STOX2: variants seen among roughly 807,000 people sequenced by gnomAD.
STOX2 encodes the protein storkhead-box protein 2.
Under a neutral mutation model 60.9 loss-of-function variants are expected in STOX2, and 28 were observed. The ratio of observed to expected loss-of-function variants is 0.46; its 90% CI spans 0.34 to 0.63. The LOEUF is 0.63. STOX2 is among the 30% of genes least tolerant of loss of function. STOX2 has a pLI of 0.01. For synonymous variants in STOX2, 472 were observed against 463.9 expected, an observed-to-expected ratio of 1.02 and a Z score of -0.22; for missense variants, 1,024 against 1,187.7, an observed-to-expected ratio of 0.86 and a Z score of 2.03.
At chr4:183,819,195 G>C (rs1387231776) in intron 1 of STOX2, among the ~76,000 whole-genome samples, 1 of 152,134 alleles carries the variant, frequency 6.6e-6, no homozygotes, top group African/African-American at 2.4e-5. Flanking sequence ...AAGGCAGGGG[G>C]CTGGGAGGTG....
At chr4:183,804,068 A>G (rs1579284041) in intron 1 of STOX2, among the ~76,000 whole-genome samples, 1 of 152,350 alleles carries the variant, frequency 6.6e-6, no homozygotes, top group Non-Finnish European at 1.5e-5. Flanking sequence ...GGGAGAAATG[A>G]CAGAATAGCT....
chr4:183,846,749 A>G (rs942762247), intron 1 of STOX2, among the ~76,000 whole-genome samples: 44 of 152,256 alleles, frequency 2.9e-4, no homozygotes, highest in African/African-American at 1.0e-3. Context: ...TAGTAAGTTC[A>G]ATAGCTTCCT....
rs1318751191 is a variant in STOX2, at chr4:183,975,536, C to T, written c.167-25789C>T. On this transcript the variant is annotated intron_variant, in intron 1 of 3. Coordinates refer to ENST00000308497, the MANE Select transcript of STOX2 (RefSeq NM_020225.3). ...CAAAAATATAATAAGCAAACACCAT[C>T]AAGAGCTCTGTGCACATAAATTCAA... 3.3e-5 allele frequency among the ~76,000 whole-genome samples: 5 copies of T among 152,100 alleles called. No homozygotes were observed. The East Asian group carries it at 7.7e-4, about 23-fold the overall frequency.
intron 1 of STOX2, among the ~76,000 whole-genome samples, chr4:183,975,100 A>C (rs1732400782): frequency 6.6e-6 from 1 of 152,186 alleles, no homozygotes; most frequent in African/African-American, 2.4e-5. Context: ...TGATCTGTGA[A>C]TCAAAGTCTC....
rs1734447998 is a variant in STOX2, at chr4:184,017,962, T to C, written c.*678T>C. 6.6e-6 allele frequency: 1 copy of C among 152,204 alleles called. No individual in the cohort carries two copies. The allele number at this position is 152,204 out of a possible 1,614,324, so 9.4% of individuals were successfully genotyped here. On this transcript the variant is annotated 3_prime_UTR_variant, in exon 4 of 4. Coordinates refer to ENST00000308497, the MANE Select transcript of STOX2 (RefSeq NM_020225.3). ...CTGGGAGTGAATGTTTTCAGGGTTTTGTTTTGAAGTGTCACAGATGCTTGT... is the reference window on the plus strand; with the variant it reads ...CTGGGAGTGAATGTTTTCAGGGTTTCGTTTTGAAGTGTCACAGATGCTTGT...
chr4:183,986,337 A>G (rs1418515858), intron 1 of STOX2, among the ~76,000 whole-genome samples: 5 of 152,186 alleles, frequency 3.3e-5, no homozygotes, highest in African/African-American at 9.7e-5. Context: ...CACATTCTCA[A>G]GGGGGTCACA....
chr4:183,887,721 C>CA (rs1480914013), intron 1 of STOX2, among the ~76,000 whole-genome samples: 1 of 152,188 alleles, frequency 6.6e-6, no homozygotes, highest in African/African-American at 2.4e-5. Context: ...ATCCATGCTC[C>CA]AAAGCTGATG....
intron 1 of STOX2, among the ~76,000 whole-genome samples, chr4:183,810,209 A>G (rs1272686522): frequency 6.6e-6 from 1 of 152,190 alleles, no homozygotes; most frequent in Non-Finnish European, 1.5e-5. Context: ...AGTTGCAGGG[A>G]GGGACTGGTG....
At chr4:183,898,636 G>A (rs1049429641) in intron 1 of STOX2, among the ~76,000 whole-genome samples, 3 of 152,152 alleles carry the variant, frequency 2.0e-5, no homozygotes, top group African/African-American at 7.2e-5. Context: ...GCGATTGGGT[G>A]GAATCCAGAG....
intron 1 of STOX2, among the ~76,000 whole-genome samples, chr4:183,846,092 A>T (rs1739983600): frequency 6.6e-6 from 1 of 152,148 alleles, no homozygotes; most frequent in African/African-American, 2.4e-5. Context: ...TTCTTAATGG[A>T]CAGTTTGTTT....
chr4:183,922,027 A>C (rs965120238), intron 1 of STOX2, among the ~76,000 whole-genome samples: 2 of 152,196 alleles, frequency 1.3e-5, no homozygotes, highest in Non-Finnish European at 2.9e-5. Flanking sequence ...TTTCTTAATT[A>C]TTTGCATGTC....
chr4:183,908,839 G>C, intron 1 of STOX2, among the ~76,000 whole-genome samples: 1 of 152,068 alleles, frequency 6.6e-6, no homozygotes. Flanking sequence ...TTCAATGTTA[G>C]GTTACTGCTG....
At chr4:183,863,048 G>C (rs73870927) in intron 1 of STOX2, among the ~76,000 whole-genome samples, 2 of 152,154 alleles carry the variant, frequency 1.3e-5, no homozygotes, top group African/African-American at 2.4e-5. Flanking sequence ...AGGATCTTCC[G>C]ACCTAAGAAA....
At position 184,009,067 on chromosome 4, in the gene STOX2, G is replaced by T. The variant is rs1477041430; in HGVS notation, c.320-91G>T. 1.8e-5 allele frequency: 18 copies of T among 1,000,646 alleles called. No homozygotes were observed. The highest frequency in any genetic ancestry group is 2.6e-5 in the East Asian group (1 of 38,410). 62.0% of individuals were successfully genotyped at this position (1,000,646 alleles called of 1,614,324 possible). The stretch of plus-strand genomic sequence containing the variant: ...CATCCTAGCTCTGTGATGGTACTTC[G>T]CATCTTGGCGAATGAATAGGATCCT... On this transcript the variant is annotated intron_variant, in intron 2 of 3. Transcript: ENST00000308497. The surrounding 1 kb of genome is among the most constrained non-coding windows in gnomAD (Gnocchi z 4.0).
chr4:183,851,761 G>C (rs1352506377), intron 1 of STOX2, among the ~76,000 whole-genome samples: 4 of 100,604 alleles, frequency 4.0e-5, no homozygotes, highest in Non-Finnish European at 6.0e-5. Context: ...ATGAGAGAAA[G>C]GATGAGAGAA....
chr4:183,987,987 G>A (rs1254147791), intron 1 of STOX2: 1 of 152,092 alleles, frequency 6.6e-6, no homozygotes, highest in African/African-American at 2.4e-5. Context: ...CAAGCATCTG[G>A]AGGTATGTGC....
chr4:184,005,008 T>C (rs1231525786), intron 2 of STOX2, among the ~76,000 whole-genome samples: 1 of 152,228 alleles, frequency 6.6e-6, no homozygotes, highest in African/African-American at 2.4e-5. Flanking sequence ...TTCGTCTCCT[T>C]ATGTTGGCTC....
intron 1 of STOX2, among the ~76,000 whole-genome samples, chr4:183,853,210 C>G (rs1483440382): frequency 6.6e-6 from 1 of 152,200 alleles, no homozygotes; most frequent in Non-Finnish European, 1.5e-5. Flanking sequence ...GCTTAAGGTC[C>G]TGGAAATGCC....
At chr4:183,955,817 TGGAAGTTCTG>T (rs1743231663) in intron 1 of STOX2, among the ~76,000 whole-genome samples, 1 of 152,104 alleles carries the variant, frequency 6.6e-6, no homozygotes, top group South Asian at 2.1e-4. Context: ...AAGTGTTGCT[TGGAAGTTCTG>T]TGGGAGGTGG....
Sources: gnomAD v4.1 joint callset for allele counts (sites outside exome capture counted in the v4.1 genomes callset) on GRCh38, gnomAD v4.1.1 for gene constraint, Gnocchi (gnomAD v3.1) non-coding constraint, MANE v1.5 for transcripts, NCBI Gene and HGNC (gene_info 2026-07-23, HGNC 2026-07-21) for gene names.